Variants in SAMMSON observed in about 807,000 individuals in gnomAD.
SAMMSON encodes survival associated mitochondrial melanoma specific oncogenic non-coding RNA, also known as long intergenic non-protein coding RNA 1212.
At chr3:70,428,773 T>C (rs1208868080) in intron 2 of SAMMSON, among the ~76,000 whole-genome samples, 5 of 152,182 alleles carry the variant, frequency 3.3e-5, no homozygotes, top group Admixed American at 6.5e-5. Flanking sequence ...TACTTGATTG[T>C]TTTTTATTGA....
intron 1 of SAMMSON, among the ~76,000 whole-genome samples, chr3:70,005,871 A>G (rs2066924581): frequency 1.3e-5 from 2 of 152,214 alleles, no homozygotes; most frequent in African/African-American, 4.8e-5. Context: ...TTGACTAAAG[A>G]TAGAACAGAC....
intron 7 of SAMMSON, among the ~76,000 whole-genome samples, chr3:70,343,142 C>T (rs1702724434): frequency 6.6e-6 from 1 of 151,982 alleles, no homozygotes; most frequent in South Asian, 2.1e-4. Flanking sequence ...GTACAGAGTT[C>T]CCAAATATCT....
chr3:70,031,470 G>A (rs2067065956), intron 3 of SAMMSON, among the ~76,000 whole-genome samples: 1 of 152,140 alleles, frequency 6.6e-6, no homozygotes, highest in Admixed American at 6.6e-5. Flanking sequence ...AGCGATGGTT[G>A]CACAGCATTG....
chr3:70,174,845 C>A (rs1228930586), intron 4 of SAMMSON, among the ~76,000 whole-genome samples: 1 of 151,782 alleles, frequency 6.6e-6, no homozygotes, highest in Non-Finnish European at 1.5e-5. Flanking sequence ...CCTAGGTGGA[C>A]AATCTAATTT....
chr3:70,084,166 G>C lies in SAMMSON; in HGVS notation n.507+12601G>C, dbSNP rs78781101. ...CTCTTTCTCACTTTTTTTGTGTGTCGTTCTTCAGCATGAGATTCGTAAACA... is the reference window on the plus strand; with the variant it reads ...CTCTTTCTCACTTTTTTTGTGTGTCCTTCTTCAGCATGAGATTCGTAAACA... On this transcript the variant is annotated intron_variant and non_coding_transcript_variant, in intron 4 of 9. Coordinates refer to ENST00000642114, the Ensembl canonical transcript of SAMMSON. Among the ~76,000 whole-genome samples the C allele has an allele frequency of 6.6e-5, 10 of 152,098 alleles. No homozygotes were observed. The East Asian group carries it at 1.5e-3, about 24-fold the overall frequency.
intron 6 of SAMMSON, among the ~76,000 whole-genome samples, chr3:70,260,245 A>G (rs1701852888): frequency 1.3e-5 from 2 of 152,076 alleles, no homozygotes; most frequent in Non-Finnish European, 2.9e-5. Context: ...GCCTAACTCC[A>G]ATCTCTGCCT....
chr3:70,089,564 A>T lies in SAMMSON; in HGVS notation n.507+17999A>T, dbSNP rs116474736. On this transcript the variant is annotated intron_variant and non_coding_transcript_variant, in intron 4 of 9. Coordinates refer to ENST00000642114, the Ensembl canonical transcript of SAMMSON. Reference sequence around the variant, plus strand: ...GGGGGTGGGGGTGGGGCTGAGGGTGATGGGTGTTGGACTCCCAGCAGGACC... The same window carrying T: ...GGGGGTGGGGGTGGGGCTGAGGGTGTTGGGTGTTGGACTCCCAGCAGGACC... 2.4e-3 allele frequency among the ~76,000 whole-genome samples: 362 copies of T among 151,294 alleles called. 2 individuals carry two copies. Among genetic ancestry groups the T allele is most frequent in the African/African-American group, 7.2e-3 (298 of 41,182 alleles).
intron 6 of SAMMSON, chr3:70,271,756 C>T (rs1221236595): frequency 6.6e-6 from 1 of 152,096 alleles, no homozygotes; most frequent in Admixed American, 6.6e-5. Flanking sequence ...ATGGCTCACA[C>T]TTATTTTTTA....
At chr3:70,337,858 T>C (rs1466998214) in intron 7 of SAMMSON, among the ~76,000 whole-genome samples, 1 of 151,934 alleles carries the variant, frequency 6.6e-6, no homozygotes, top group Non-Finnish European at 1.5e-5. Context: ...GATCACATTA[T>C]ATGCCATAGC....
rs75742587 is a variant in SAMMSON at position 70,221,164 on chromosome 3, G to A, written n.508-27943G>A. Among the ~76,000 whole-genome samples, 1,298 of 152,164 alleles carry A rather than the reference G, an allele frequency of 8.5e-3. 21 individuals are homozygous for A. Among genetic ancestry groups the A allele is most frequent in the African/African-American group, 0.029 (1,220 of 41,510 alleles). Reference sequence around the variant, plus strand: ...TAAAATTTTAGATGTGGAATAAACCGTAGATGTCAGTGAGTTTCCTCTCCC... The same window carrying A: ...TAAAATTTTAGATGTGGAATAAACCATAGATGTCAGTGAGTTTCCTCTCCC... On this transcript the variant is annotated intron_variant and non_coding_transcript_variant, in intron 4 of 9. Transcript: ENST00000642114.
chr3:70,093,823 A>G (rs887513541), intron 4 of SAMMSON, among the ~76,000 whole-genome samples: 1 of 152,164 alleles, frequency 6.6e-6, no homozygotes, highest in African/African-American at 2.4e-5. Flanking sequence ...GAGCAAAACC[A>G]TATTGGCCCA....
intron 4 of SAMMSON, among the ~76,000 whole-genome samples, chr3:70,142,377 G>A (rs781460073): frequency 3.3e-5 from 5 of 152,150 alleles, no homozygotes; most frequent in Non-Finnish European, 7.3e-5. Flanking sequence ...TGAATGAATG[G>A]CATTTGCAAT....
chr3:70,234,633 C>T (rs1701590511), intron 4 of SAMMSON, among the ~76,000 whole-genome samples: 1 of 147,762 alleles, frequency 6.8e-6, no homozygotes, highest in East Asian at 2.0e-4. Flanking sequence ...AAGTGAGACC[C>T]TGGCTCAAAA....
At chr3:70,405,770 A>G (rs1313415487) in intron 2 of SAMMSON, among the ~76,000 whole-genome samples, 2 of 152,212 alleles carry the variant, frequency 1.3e-5, no homozygotes, top group Admixed American at 1.3e-4. Flanking sequence ...TAGAAGACAG[A>G]AAAAGTATTT....
intron 3 of SAMMSON, among the ~76,000 whole-genome samples, chr3:70,063,538 T>C (rs2067198479): frequency 6.6e-6 from 1 of 152,090 alleles, no homozygotes; most frequent in South Asian, 2.1e-4. Flanking sequence ...TCTGCAAACA[T>C]AGCTGCAAAG....
chr3:70,084,397 A>G (rs1469575755), intron 4 of SAMMSON, among the ~76,000 whole-genome samples: 2 of 152,244 alleles, frequency 1.3e-5, no homozygotes, highest in East Asian at 3.8e-4. Flanking sequence ...GAGCGTCTAA[A>G]TCATGCAGCC....
At chr3:70,322,712 G>A (rs976895699) in intron 7 of SAMMSON, among the ~76,000 whole-genome samples, 1 of 152,076 alleles carries the variant, frequency 6.6e-6, no homozygotes, top group African/African-American at 2.4e-5. Context: ...CACAAATGAT[G>A]TCTTTGTATC....
At chr3:70,414,180 G>C (rs1575644472) in intron 2 of SAMMSON, among the ~76,000 whole-genome samples, 2 of 152,134 alleles carry the variant, frequency 1.3e-5, no homozygotes, top group African/African-American at 4.8e-5. Flanking sequence ...ATTTTGACAA[G>C]TATAAAACTG....
chr3:70,310,521 A>G (rs1028454013), intron 7 of SAMMSON, among the ~76,000 whole-genome samples: 6 of 151,860 alleles, frequency 4.0e-5, no homozygotes, highest in Non-Finnish European at 8.8e-5. Context: ...GTGTGCCACC[A>G]CATCTGACTG....
Sources: gnomAD v4.1 joint callset for allele counts (sites outside exome capture counted in the v4.1 genomes callset) on GRCh38, gnomAD v4.1.1 for gene constraint, MANE v1.5 for transcripts, NCBI Gene and HGNC (gene_info 2026-07-23, HGNC 2026-07-21) for gene names.